Variants in COL4A1 observed in about 807,000 individuals in gnomAD.
COL4A1 encodes collagen alpha-1(IV) chain.
Under a neutral mutation model 216.6 loss-of-function variants are expected in COL4A1, and 40 were observed. That is an observed-to-expected ratio of 0.18 (90% CI 0.14 to 0.24). The LOEUF (loss-of-function observed/expected upper bound fraction) is 0.24, where lower values mean the gene tolerates loss of function less well. COL4A1 is among the 10% of genes least tolerant of loss of function. The probability of loss-of-function intolerance (pLI) is 1.00; values close to 1 mark genes in which losing one functional copy is unlikely to be tolerated. For synonymous variants in COL4A1, 839 were observed against 810.7 expected, an observed-to-expected ratio of 1.03 and a Z score of -0.59; for missense variants, 1,628 against 2,196.8, an observed-to-expected ratio of 0.74 and a Z score of 5.18.
At position 110,178,675 on chromosome 13, in the gene COL4A1, C is replaced by T. The variant is rs577892368; in HGVS notation, c.2458+248G>A. Reference sequence around the variant, plus strand: ...ACATCAGTTAGAATAAAATGTGAAACGTGACGGAGTACACAATAAAGGAAA... The same window carrying T: ...ACATCAGTTAGAATAAAATGTGAAATGTGACGGAGTACACAATAAAGGAAA... On this transcript the variant is annotated intron_variant, in intron 31 of 51. Coordinates refer to ENST00000375820, the MANE Select transcript of COL4A1 (RefSeq NM_001845.6). 6.6e-5 allele frequency among the ~76,000 whole-genome samples: 10 copies of T among 152,250 alleles called. No homozygotes were observed. The South Asian group carries it at 2.1e-3, about 32-fold the overall frequency.
intron 2 of COL4A1, among the ~76,000 whole-genome samples, chr13:110,221,751 T>C (rs1880486468): frequency 6.6e-6 from 1 of 152,202 alleles, no homozygotes; most frequent in African/African-American, 2.4e-5. Context: ...TAATTCTTAC[T>C]CCAAAGCAGT....
intron 1 of COL4A1, among the ~76,000 whole-genome samples, chr13:110,305,043 G>A (rs983629215): frequency 1.3e-5 from 2 of 152,216 alleles, no homozygotes; most frequent in African/African-American, 4.8e-5. Context: ...GGCATGAAAA[G>A]TGAGACAAAT....
At chr13:110,300,162 A>G (rs1208054802) in intron 1 of COL4A1, among the ~76,000 whole-genome samples, 3 of 152,266 alleles carry the variant, frequency 2.0e-5, no homozygotes, top group Non-Finnish European at 4.4e-5. Context: ...AAACAATACC[A>G]AAATGGTTAT....
intron 2 of COL4A1, 70 bp from the exon 3 acceptor site, chr13:110,214,085 T>A: frequency 1.7e-6 from 2 of 1,196,764 alleles, no homozygotes; most frequent in Non-Finnish European, 2.5e-6. Flanking sequence ...GGTGACCAAC[T>A]GTGATGGCTA....
intron 1 of COL4A1, among the ~76,000 whole-genome samples, chr13:110,258,332 G>A (rs693119): frequency 0.16 from 24,490 of 152,232 alleles, 2,402 homozygotes; most frequent in Middle Eastern, 0.33. Flanking sequence ...GAGCTCAGGA[G>A]TTCGAGACCA....
chr13:110,290,218 A>C (rs35513412), intron 1 of COL4A1, among the ~76,000 whole-genome samples: 23,012 of 152,212 alleles, frequency 0.15, 1,787 homozygotes, highest in South Asian at 0.26. Context: ...GTTAGACAAC[A>C]AGTGCGAACA....
intron 40 of COL4A1, 63 bp downstream of exon 40, chr13:110,173,837 G>C: frequency 1.9e-6 from 3 of 1,590,000 alleles, no homozygotes; most frequent in Non-Finnish European, 2.6e-6. Context: ...AACACAGGCA[G>C]TCTGCAGGTC....
intron 24 of COL4A1, among the ~76,000 whole-genome samples, chr13:110,189,141 G>A (rs1181036965): frequency 4.6e-5 from 7 of 152,158 alleles, no homozygotes; most frequent in Admixed American, 3.9e-4. Flanking sequence ...TCGGCTCACC[G>A]CAACCTCCGC....
At chr13:110,260,736 G>A (rs1052537295) in intron 1 of COL4A1, among the ~76,000 whole-genome samples, 3 of 152,108 alleles carry the variant, frequency 2.0e-5, no homozygotes, top group Non-Finnish European at 4.4e-5. Flanking sequence ...ACTCACAGCC[G>A]GTGAACTCTA....
At position 110,166,480 on chromosome 13, in the gene COL4A1, C is replaced by T. The variant is rs544129739; in HGVS notation, c.3950-177G>A. Among the ~76,000 whole-genome samples, 3 of 152,182 alleles carry T rather than the reference C, an allele frequency of 2.0e-5. No individual in the cohort carries two copies. In the East Asian group the frequency reaches 5.8e-4, roughly 29 times the overall value. Reference sequence around the variant, plus strand: ...CCATATATACACATTCATACACCTGCTTATGCATGCATACATATACACATA... The same window carrying T: ...CCATATATACACATTCATACACCTGTTTATGCATGCATACATATACACATA... On this transcript the variant is annotated intron_variant, in intron 44 of 51. Transcript: ENST00000375820.
chr13:110,246,156 A>C (rs1366625785), intron 1 of COL4A1, among the ~76,000 whole-genome samples: 19 of 150,302 alleles, frequency 1.3e-4, no homozygotes, highest in Admixed American at 1.1e-3. Context: ...AAAAAAAAAA[A>C]CAAAAAAGCT....
At chr13:110,209,258 A>G (rs1879657881) in intron 11 of COL4A1, 134 bp downstream of exon 11, 4 of 710,418 alleles carry the variant, frequency 5.6e-6, no homozygotes, top group Admixed American at 2.6e-5. Context: ...ATAGATACTT[A>G]AAGGTATAGT....
intron 15 of COL4A1, 153 bp downstream of exon 15, chr13:110,206,512 C>G (rs1879522770): frequency 3.5e-6 from 3 of 866,108 alleles, no homozygotes; most frequent in African/African-American, 1.7e-5. Flanking sequence ...ACTGATATAG[C>G]TCAGGAGAGT....
At chr13:110,219,470 C>T (rs1416760924) in intron 2 of COL4A1, among the ~76,000 whole-genome samples, 9 of 151,752 alleles carry the variant, frequency 5.9e-5, no homozygotes, top group Non-Finnish European at 1.0e-4. Flanking sequence ...ATCTTCTTCC[C>T]GAAATTCTCA....
chr13:110,236,691 T>C (rs1881331548), intron 2 of COL4A1, among the ~76,000 whole-genome samples: 2 of 152,338 alleles, frequency 1.3e-5, no homozygotes, highest in African/African-American at 4.8e-5. Flanking sequence ...GAGCGGACTC[T>C]ACACCAGGAT....
At chr13:110,238,234 A>G (rs780582874) in intron 2 of COL4A1, among the ~76,000 whole-genome samples, 9 of 152,248 alleles carry the variant, frequency 5.9e-5, no homozygotes, top group Non-Finnish European at 8.8e-5. Flanking sequence ...TGAGATATCC[A>G]CACAGTTGTC....
Position 110,207,020 on chromosome 13 carries a change from C to T in COL4A1, c.781-129G>A, listed in dbSNP as rs114159891. The stretch of plus-strand genomic sequence containing the variant: ...TATTAACAAAGAAATTCATGTTGAT[C>T]TCCAGCACTCACTTGACATTGACTG... On this transcript the variant is annotated intron_variant, in intron 13 of 51. Coordinates refer to ENST00000375820, the MANE Select transcript of COL4A1 (RefSeq NM_001845.6). The surrounding 1 kb of genome is among the most constrained non-coding windows in gnomAD (Gnocchi z 4.4). The T allele has an allele frequency of 2.5e-3, 2,414 of 959,430 alleles. 27 individuals are homozygous for T. The African/African-American group carries it at 0.028, about 11-fold the overall frequency. The allele number at this position is 959,430 out of a possible 1,614,324, so 59.4% of individuals were successfully genotyped here.
chr13:110,158,755 T>TTTTC (rs1299995358), intron 49 of COL4A1, among the ~76,000 whole-genome samples: 2 of 150,496 alleles, frequency 1.3e-5, no homozygotes, highest in African/African-American at 2.4e-5. Flanking sequence ...TTTTTTTTTT[T>TTTTC]TTTTGAGACA....
chr13:110,183,923 C>G (rs1245080290), intron 26 of COL4A1, among the ~76,000 whole-genome samples: 1 of 152,176 alleles, frequency 6.6e-6, no homozygotes, highest in Non-Finnish European at 1.5e-5. Context: ...AAAGGCTTCC[C>G]CTCCAAGAAT....
Sources: gnomAD v4.1 joint callset for allele counts (sites outside exome capture counted in the v4.1 genomes callset) on GRCh38, gnomAD v4.1.1 for gene constraint, Gnocchi (gnomAD v3.1) non-coding constraint, MANE v1.5 for transcripts, NCBI Gene and HGNC (gene_info 2026-07-23, HGNC 2026-07-21) for gene names.